NEB: variants seen among roughly 807,000 people sequenced by gnomAD.
NEB encodes nebulin, also known as nemaline myopathy type 2.
A neutral mutation model predicts 952.2 loss-of-function variants in NEB; 512 were observed. The ratio of observed to expected loss-of-function variants is 0.54; its 90% CI spans 0.50 to 0.58. The LOEUF (loss-of-function observed/expected upper bound fraction) is 0.58, where lower values mean the gene tolerates loss of function less well. Among genes scored for constraint, NEB ranks in the 20% least tolerant of loss-of-function variants. The pLI, the probability that NEB is intolerant of heterozygous loss-of-function variation, is 0.00. For synonymous variants in NEB, 2,900 were observed against 3,149.8 expected (o/e 0.92, Z 2.66); for missense variants, 8,428 against 9,231.1 (o/e 0.91, Z 3.56).
intron 27 of NEB, 120 bp from the exon 28 acceptor site, chr2:151,685,095 T>C (rs2099484632): frequency 6.3e-6 from 7 of 1,102,946 alleles, no homozygotes; most frequent in Non-Finnish European, 9.0e-6. Flanking sequence ...TGAGTAGTTA[T>C]TTTGCCCAAA....
rs1336171164 is a variant in NEB at position 151,643,886 on chromosome 2, G to C, written c.7888C>G (p.Gln2630Glu). 6.8e-6 allele frequency: 11 copies of C among 1,613,878 alleles called. No individual in the cohort carries two copies. Among genetic ancestry groups the C allele is most frequent in the African/African-American group, 2.7e-5 (2 of 74,928 alleles). ...SDVDYKNYLH[Q>E]WTCLPDQSDV... ...CTCTGGTCGGGCAGGCATGTCCACT[G>C]GTGCAGGTAGTTCTTGTAGTCCACG... Residue 2630 changes from glutamine (Q) to glutamate (E), a missense_variant, in exon 57 of 182, where the codon CAG becomes GAG. Physicochemically the swap from Gln to Glu is conservative, Grantham distance 29. Around this residue, in one of 11 missense-constraint regions of NEB, gnomAD observed 1,772 missense variants for 1,960.3 expected, o/e 0.90. Coordinates refer to ENST00000397345, the MANE Select transcript of NEB (RefSeq NM_001164508.2).
chr2:151,620,906 G>A lies in NEB; in HGVS notation c.10560+13C>T. On this transcript the variant is annotated intron_variant, in intron 72 of 181. Coordinates refer to ENST00000397345, the MANE Select transcript of NEB (RefSeq NM_001164508.2). ...ATGATGGTAAGAAATGTTAGGACTT[G>A]ATCAGCTCTTACATCACTGGCAATA... is the stretch of plus-strand genomic sequence containing the variant. 6.3e-7 allele frequency: 1 copy of A among 1,586,284 alleles called. No homozygotes were observed. The highest frequency in any genetic ancestry group is 8.6e-7 in the Non-Finnish European group (1 of 1,159,092).
intron 95 of NEB, 105 bp downstream of exon 95, chr2:151,591,929 G>T (rs1377700475): frequency 6.9e-7 from 1 of 1,445,316 alleles, no homozygotes; most frequent in African/African-American, 1.4e-5. Flanking sequence ...GAAATAAAAG[G>T]AATGGGAAGA....
chr2:151,554,056 C>T lies in NEB; in HGVS notation c.19429-31G>A, dbSNP rs186959351. ...AAGTTAAAATCACATGCCAGTTATA[C>T]AGGAAATTGTGCCAAGGCATCATGG... On this transcript the variant is annotated intron_variant, in intron 125 of 181. Coordinates refer to ENST00000397345, the MANE Select transcript of NEB (RefSeq NM_001164508.2). 9.6e-5 allele frequency: 155 copies of T among 1,606,628 alleles called. 1 individual carries two copies. The East Asian group carries it at 3.2e-3, about 33-fold the overall frequency.
In NEB at chr2:151,506,247, T is replaced by A; in HGVS notation, c.23568A>T (p.Lys7856Asn). Residue 7856 changes from lysine to asparagine, a missense_variant, in exon 164 of 182, where the codon AAA (lysine) becomes AAT (asparagine). Transcript: ENST00000397345. ...TAGCCGTTCCTGGTGAGACATCCTC[T>A]TTATATAAAACCTGGGCATTCAGAA... is the stretch of plus-strand genomic sequence containing the variant. ...NQKNFSSVLY[K>N]EDVSPGTAIG... 6.2e-7 allele frequency: 1 copy of A among 1,612,528 alleles called. No homozygotes were observed. The highest frequency in any genetic ancestry group is 8.5e-7 in the Non-Finnish European group (1 of 1,178,578).
In NEB at chr2:151,697,579, T is replaced by G; in HGVS notation, c.1222A>C (p.Lys408Gln). ...AAGTTCTGCAGAACAGTATCGAGCT[T>G]GAATTTGGGGGTCTCGCAGTAATTT... ...SINYCETPKF[K>Q]LDTVLQNFSS... is the part of the protein sequence containing the mutation. Residue 408 changes from lysine (K) to glutamine (Q), a missense_variant, in exon 14 of 182, where the codon AAG becomes CAG. By Grantham distance (53) the Lys-to-Gln change is moderately conservative (BLOSUM62 1). Around this residue, in one of 11 missense-constraint regions of NEB, gnomAD observed 2,851 missense variants for 2,791.5 expected, o/e 1.02. Coordinates refer to ENST00000397345, the MANE Select transcript of NEB (RefSeq NM_001164508.2). The G allele has an allele frequency of 6.2e-7, 1 of 1,613,404 alleles. No homozygotes were observed. The highest frequency in any genetic ancestry group is 8.5e-7 in the Non-Finnish European group (1 of 1,179,752).
At chr2:151,656,855 A>G (rs1043208896) in intron 48 of NEB, among the ~76,000 whole-genome samples, 1 of 151,714 alleles carries the variant, frequency 6.6e-6, no homozygotes, top group Non-Finnish European at 1.5e-5. Flanking sequence ...ATGAAAAAAA[A>G]AAGGCAAAAA....
Position 151,633,877 on chromosome 2 carries a change from A to G in NEB, c.9191T>C (p.Met3064Thr). 6.2e-7 allele frequency: 1 copy of G among 1,614,012 alleles called. No homozygotes were observed. The highest frequency in any genetic ancestry group is 8.5e-7 in the Non-Finnish European group (1 of 1,179,886). Residue 3064 changes from methionine (M) to threonine (T), a missense_variant, in exon 65 of 182, where the codon ATG becomes ACG. Physicochemically the swap from Met to Thr is moderately conservative, Grantham distance 81 (BLOSUM62 -1). This residue lies in a region of NEB where 1,772 missense variants were observed against 1,960.3 expected (regional missense o/e 0.90). Transcript: ENST00000397345. Reference protein sequence around the residue: ...IEDDPKMMWSMHVAKIQSDRE... With the variant: ...IEDDPKMMWSTHVAKIQSDRE... ...GTCACTCTGGATCTTGGCTACGTGC[A>G]TGGACCACATCATCTTGGGGTCATC...
At chr2:151,630,021 GTTTAAT>G in intron 67 of NEB, among the ~76,000 whole-genome samples, 1 of 151,714 alleles carries the variant, frequency 6.6e-6, no homozygotes, top group East Asian at 1.9e-4. Flanking sequence ...GTAGAACAAT[GTTTAAT>G]ATCTATCTAT....
At chr2:151,566,945 T>C (rs7557092) in intron 114 of NEB, among the ~76,000 whole-genome samples, 1 of 152,060 alleles carries the variant, frequency 6.6e-6, no homozygotes, top group South Asian at 2.1e-4. Context: ...AGATTTTTTT[T>C]AAAAAAATTT....
rs1577658943 is a variant in NEB, at chr2:151,562,601, G to A, written c.18891+10C>T. On this transcript the variant is annotated intron_variant, in intron 120 of 181. Transcript: ENST00000397345. ...TGTAGCTGAGTCAAGCTGCAGAAGG[G>A]ACATCATACATCACTCAAGATCTCC... The A allele has an allele frequency of 6.4e-7, 1 of 1,558,492 alleles. No individual in the cohort carries two copies. Among genetic ancestry groups the A allele is most frequent in the East Asian group, 2.3e-5 (1 of 43,928 alleles).
chr2:151,594,375 G>A (rs1476168806), intron 92 of NEB, 57 bp from the exon 93 acceptor site: 1 of 1,343,446 alleles, frequency 7.4e-7, no homozygotes, highest in Non-Finnish European at 1.0e-6. Context: ...ATTAAGAGGG[G>A]TTTTCTAATT....
At chr2:151,720,370 A>G (rs185765592) in intron 9 of NEB, among the ~76,000 whole-genome samples, 95 of 152,338 alleles carry the variant, frequency 6.2e-4, no homozygotes, top group African/African-American at 2.2e-3. Context: ...TCTGTGCCCA[A>G]TAATTGTAGA....
chr2:151,538,079 T>A lies in NEB; in HGVS notation c.20997+61A>T, dbSNP rs201161533. 910 of 1,491,028 alleles carry A rather than the reference T, an allele frequency of 6.1e-4. 1 individual carries two copies. The highest frequency in any genetic ancestry group is 7.3e-4 in the Non-Finnish European group (781 of 1,074,668). 92.4% of individuals were successfully genotyped at this position (1,491,028 alleles called of 1,614,324 possible). A position where few individuals can be genotyped will look rare whatever the true frequency, so the allele number is the denominator to read the frequency against. On this transcript the variant is annotated intron_variant, in intron 139 of 181. Transcript: ENST00000397345. ...AGAAGAGGGAGGTTGCTAAAAAATA[T>A]ATGTATATGTATATGGTGAGTTGTA...
At chr2:151,667,662 G>A in intron 40 of NEB, 142 bp downstream of exon 40, 1 of 525,288 alleles carries the variant, frequency 1.9e-6, no homozygotes, top group South Asian at 3.2e-5. Context: ...CAAATAGTTG[G>A]AACTACAGGT....
chr2:151,720,989 C>G (rs2099772658), intron 9 of NEB, among the ~76,000 whole-genome samples: 1 of 152,152 alleles, frequency 6.6e-6, no homozygotes, highest in African/African-American at 2.4e-5. Context: ...ATTTCTCTTT[C>G]CATTAACGCA....
intron 105 of NEB, among the ~76,000 whole-genome samples, chr2:151,578,193 T>C (rs909103726): frequency 7.2e-5 from 11 of 152,140 alleles, no homozygotes; most frequent in African/African-American, 1.9e-4. Flanking sequence ...TAATCCATCA[T>C]TTCCAAAAGT....
At chr2:151,659,319 CAG>C (rs1195652593) in intron 46 of NEB, 150 bp from the exon 47 acceptor site, 3 of 504,696 alleles carry the variant, frequency 5.9e-6, no homozygotes, top group African/African-American at 4.0e-5. Flanking sequence ...ATTTTTGAGA[CAG>C]AGTCTTGCGC....
At position 151,497,562 on chromosome 2, in the gene NEB, T is replaced by C; in HGVS notation, c.24300+64A>G. ...AAAAAGTAGGATTAATACGTATTAT[T>C]TTAAATCATGAAAGTTTTCAAAATC... On this transcript the variant is annotated intron_variant, in intron 171 of 181. Transcript: ENST00000397345. 2.0e-6 allele frequency: 3 copies of C among 1,533,028 alleles called. No individual in the cohort carries two copies. The South Asian group carries it at 3.7e-5, about 19-fold the overall frequency. The allele number at this position is 1,533,028 out of a possible 1,614,324, so 95.0% of individuals were successfully genotyped here.
Sources: allele counts gnomAD v4.1 joint callset (sites outside exome capture counted in the v4.1 genomes callset), GRCh38; gene constraint gnomAD v4.1.1; regional missense constraint gnomAD v4.1.1; transcripts MANE v1.5; gene names NCBI Gene and HGNC (gene_info 2026-07-23, HGNC 2026-07-21).